Variants in NCAM1 observed in about 807,000 individuals in gnomAD.
The protein encoded by NCAM1 is antigen recognized by monoclonal antibody 5.1H11.
A neutral mutation model predicts 109.8 loss-of-function variants in NCAM1; 14 were observed. The ratio of observed to expected loss-of-function variants is 0.13; its 90% CI spans 0.08 to 0.20. The LOEUF (loss-of-function observed/expected upper bound fraction) is 0.20. NCAM1 is among the 10% of genes least tolerant of loss of function. The pLI is 1.00. For missense variants in NCAM1, 774 were observed against 1,109.9 expected, an observed-to-expected ratio of 0.70 and a Z score of 4.30; for synonymous variants, 418 against 442.9, an observed-to-expected ratio of 0.94 and a Z score of 0.70.
At chr11:113,104,574 A>G (rs1319757963) in intron 1 of NCAM1, among the ~76,000 whole-genome samples, 3 of 152,158 alleles carry the variant, frequency 2.0e-5, no homozygotes, top group African/African-American at 7.2e-5. Context: ...TTTCAGCTTG[A>G]AGTCCTTTCT....
chr11:113,064,878 G>C (rs1335615162), intron 1 of NCAM1, among the ~76,000 whole-genome samples: 2 of 152,112 alleles, frequency 1.3e-5, no homozygotes, highest in Non-Finnish European at 2.9e-5. Flanking sequence ...GTTTCATATA[G>C]AATATTTATA....
intron 1 of NCAM1, among the ~76,000 whole-genome samples, chr11:113,126,189 C>T (rs1941170718): frequency 6.6e-6 from 1 of 151,352 alleles, no homozygotes; most frequent in South Asian, 2.1e-4. Flanking sequence ...ATAAAACCCT[C>T]CCCTACCCTT....
intron 1 of NCAM1, among the ~76,000 whole-genome samples, chr11:112,998,806 C>G (rs904933437): frequency 6.6e-6 from 1 of 152,152 alleles, no homozygotes; most frequent in African/African-American, 2.4e-5. Context: ...TTTTTACTTT[C>G]TCATCCAGAA....
intron 16 of NCAM1, 34 bp from the exon 17 acceptor site, chr11:113,260,112 C>T (rs1555123007): frequency 1.1e-5 from 17 of 1,563,806 alleles, no homozygotes; most frequent in Admixed American, 1.0e-4. Flanking sequence ...CTTTTTTGGT[C>T]TCTTGTATCC....
intron 1 of NCAM1, among the ~76,000 whole-genome samples, chr11:113,084,222 CCT>C (rs1409629773): frequency 1.3e-5 from 2 of 152,096 alleles, no homozygotes; most frequent in African/African-American, 4.8e-5. Context: ...CAGGGCCCAT[CCT>C]CTGTTTGCAC....
At chr11:113,007,214 C>T (rs1477776579) in intron 1 of NCAM1, among the ~76,000 whole-genome samples, 1 of 152,056 alleles carries the variant, frequency 6.6e-6, no homozygotes, top group Non-Finnish European at 1.5e-5. Flanking sequence ...TTGTTTGAGA[C>T]AGGGTTTCAC....
Position 113,089,270 on chromosome 11 carries a change from C to T in NCAM1, c.53-113109C>T, listed in dbSNP as rs531389875. Among the ~76,000 whole-genome samples the T allele has an allele frequency of 2.0e-5, 3 of 152,208 alleles. No individual in the cohort carries two copies. The East Asian group carries it at 5.8e-4, about 29-fold the overall frequency. On this transcript the variant is annotated intron_variant, in intron 1 of 19. Transcript: ENST00000316851. ...GGAGGTTGCCGAGATCGCGCCACTG[C>T]ACTCCAGCCTGGGTGACAGAGCAAG...
At chr11:112,985,542 C>T (rs781842579) in intron 1 of NCAM1, among the ~76,000 whole-genome samples, 4 of 151,928 alleles carry the variant, frequency 2.6e-5, no homozygotes, top group Non-Finnish European at 4.4e-5. Context: ...AGTCCATGAA[C>T]ATGGGACATC....
intron 1 of NCAM1, among the ~76,000 whole-genome samples, chr11:113,045,671 TGAGA>T (rs138935853): frequency 6.6e-6 from 1 of 152,194 alleles, no homozygotes; most frequent in African/African-American, 2.4e-5. Context: ...TGAATTTACA[TGAGA>T]GAGATAATAT....
chr11:113,015,134 C>G (rs1952175268), intron 1 of NCAM1, among the ~76,000 whole-genome samples: 1 of 152,216 alleles, frequency 6.6e-6, no homozygotes, highest in South Asian at 2.1e-4. Flanking sequence ...CTTACAGCTT[C>G]TCTTCTTGCA....
chr11:113,221,102 A>G (rs1442129366), intron 8 of NCAM1, among the ~76,000 whole-genome samples, 194 bp from the exon 9 acceptor site: 5 of 152,128 alleles, frequency 3.3e-5, no homozygotes, highest in African/African-American at 7.2e-5. Flanking sequence ...CCTAAGGGGG[A>G]AAAAAAGCTG....
intron 1 of NCAM1, among the ~76,000 whole-genome samples, chr11:113,014,826 G>A (rs368521344): frequency 6.6e-6 from 1 of 152,224 alleles, no homozygotes; most frequent in Non-Finnish European, 1.5e-5. Flanking sequence ...AAATCTGAGA[G>A]TGGGAACCAG....
chr11:113,214,240 C>T, intron 7 of NCAM1, 129 bp from the exon 8 acceptor site: 1 of 932,090 alleles, frequency 1.1e-6, no homozygotes. Context: ...GTCTGCATCT[C>T]CTAAAACACC....
chr11:113,084,461 G>GA (rs1223821975), intron 1 of NCAM1, among the ~76,000 whole-genome samples: 19 of 152,312 alleles, frequency 1.2e-4, no homozygotes, highest in Admixed American at 3.9e-4. Context: ...ATTTCTCACT[G>GA]ACAGTTGAAC....
chr11:113,237,757 C>T (rs1406062383), intron 14 of NCAM1, among the ~76,000 whole-genome samples: 1 of 152,070 alleles, frequency 6.6e-6, no homozygotes, highest in East Asian at 1.9e-4. Flanking sequence ...TAACCAGTAA[C>T]TGGAGTTTGA....
rs1555122213 is a variant in NCAM1 at position 113,255,901 on chromosome 11, A to C, written c.1853A>C (p.Glu618Ala). Residue 618 changes from glutamate to alanine, a missense_variant, in exon 16 of 20, where the codon GAA becomes GCA. Physicochemically the swap from Glu to Ala is moderately radical, Grantham distance 107. This residue lies in a region of NCAM1 where 523 missense variants were observed against 784.2 expected (regional missense o/e 0.67). Transcript: ENST00000316851. ...GGGGAACCCAGTGCACCTAAGCTCG[A>C]AGGGCAGATGGGAGAGGATGGAAAC... ...VQGEPSAPKLEGQMGEDGNSI... is the reference protein window; with the variant it reads ...VQGEPSAPKLAGQMGEDGNSI... 1.2e-6 allele frequency: 2 copies of C among 1,612,508 alleles called. No individual in the cohort carries two copies. Among genetic ancestry groups the C allele is most frequent in the African/African-American group, 2.7e-5 (2 of 74,776 alleles).
At chr11:113,100,464 C>T (rs1346627257) in intron 1 of NCAM1, among the ~76,000 whole-genome samples, 1 of 152,108 alleles carries the variant, frequency 6.6e-6, no homozygotes, top group Non-Finnish European at 1.5e-5. Flanking sequence ...CCTTGTCTGG[C>T]ATCCAGGAAG....
chr11:113,129,767 A>T (rs1217735212), intron 1 of NCAM1, among the ~76,000 whole-genome samples: 3 of 152,224 alleles, frequency 2.0e-5, no homozygotes, highest in Non-Finnish European at 2.9e-5. Context: ...CATTGTGAAC[A>T]TCCTGAATAA....
At chr11:113,235,316 T>C (rs965824139) in intron 14 of NCAM1, 152 bp downstream of exon 14, 1 of 1,484,058 alleles carries the variant, frequency 6.7e-7, no homozygotes, top group Non-Finnish European at 9.3e-7. Flanking sequence ...CCTAGTTCTC[T>C]GGTTCTCAGT....
Sources: gnomAD v4.1 joint callset for allele counts (sites outside exome capture counted in the v4.1 genomes callset) on GRCh38, gnomAD v4.1.1 for gene constraint, gnomAD v4.1.1 regional missense constraint, MANE v1.5 for transcripts, NCBI Gene and HGNC (gene_info 2026-07-23, HGNC 2026-07-21) for gene names.